DMD: variants seen among roughly 807,000 people sequenced by gnomAD.
DMD encodes mutant dystrophin.
DMD carries 63 observed loss-of-function variants against 330.1 expected under a neutral mutation model. The ratio of observed to expected loss-of-function variants is 0.19; its 90% CI spans 0.16 to 0.24. The LOEUF (loss-of-function observed/expected upper bound fraction) is 0.24, where lower values mean the gene tolerates loss of function less well. Ranked by LOEUF, DMD falls within the 10% of genes least tolerant of loss-of-function variation. DMD has a pLI of 1.00. For missense variants in DMD, 3,344 were observed against 2,684.1 expected (o/e 1.25, Z -5.43); for synonymous variants, 1,223 against 959.8 (o/e 1.27, Z -5.07).
At chrX:32,727,088 T>C (rs1603282356) in intron 7 of DMD, among the ~76,000 whole-genome samples, 2 of 111,100 alleles carry the variant, frequency 1.8e-5, no homozygotes, top group East Asian at 2.8e-4. Context: ...GCTTCTTTAA[T>C]GTGACAAATT....
chrX:31,840,145 T>G (rs1386422385), intron 48 of DMD, among the ~76,000 whole-genome samples: 2 of 111,971 alleles, frequency 1.8e-5, no homozygotes, highest in African/African-American at 6.5e-5. Flanking sequence ...TTGATACATT[T>G]GATCTAACTT....
upstream of DMD, among the ~76,000 whole-genome samples, chrX:33,212,278 C>A (rs1276262202): frequency 8.9e-6 from 1 of 111,829 alleles, no homozygotes; most frequent in Non-Finnish European, 1.9e-5. Flanking sequence ...CTTAAAACAC[C>A]ATTTTTTTAG....
chrX:32,912,926 A>G (rs182774865), intron 2 of DMD, among the ~76,000 whole-genome samples: 267 of 112,490 alleles, frequency 2.4e-3, no homozygotes, highest in African/African-American at 8.4e-3. Context: ...ATGTAATAAG[A>G]TATTTTTAAA....
Position 31,252,495 on chromosome X carries a change from G to A in DMD, c.9286+8460C>T, listed in dbSNP as rs2049479181. Reference sequence around the variant, plus strand: ...CAGTCTGCTCAAGTCCAAATGGAAAGAAGGGAAAAGTTGCCCCATCCACCG... The same window carrying A: ...CAGTCTGCTCAAGTCCAAATGGAAAAAAGGGAAAAGTTGCCCCATCCACCG... On this transcript the variant is annotated intron_variant, in intron 63 of 78. Coordinates refer to ENST00000357033, the MANE Select transcript of DMD (RefSeq NM_004006.3). Among the ~76,000 whole-genome samples, 3 of 111,479 alleles carry A rather than the reference G, an allele frequency of 2.7e-5. No homozygotes were observed. The South Asian group carries it at 1.1e-3, about 42-fold the overall frequency.
At chrX:33,142,258 C>T (rs764713052) in intron 1 of DMD, among the ~76,000 whole-genome samples, 1 of 111,678 alleles carries the variant, frequency 9.0e-6, no homozygotes, top group South Asian at 3.8e-4. Context: ...GCTAATTTTG[C>T]GTTTTTAGTA....
chrX:32,089,726 T>C (rs1255834908), intron 44 of DMD, among the ~76,000 whole-genome samples: 1 of 112,166 alleles, frequency 8.9e-6, no homozygotes, highest in East Asian at 2.8e-4. Context: ...TCTTTGCTAT[T>C]GTGAGTAGTG....
chrX:32,435,243 A>AAT (rs1262483065), intron 29 of DMD, among the ~76,000 whole-genome samples: 1 of 85,335 alleles, frequency 1.2e-5, no homozygotes, highest in Non-Finnish European at 2.4e-5. Context: ...CATATTTTTA[A>AAT]ATATATATTT....
intron 55 of DMD, among the ~76,000 whole-genome samples, chrX:31,547,995 C>G (rs184790687): frequency 1.8e-5 from 2 of 111,879 alleles, no homozygotes; most frequent in Non-Finnish European, 3.8e-5. Flanking sequence ...TTTGCATGGT[C>G]TGAAAGCCTC....
chrX:31,604,317 C>G (rs1371128923), intron 55 of DMD, among the ~76,000 whole-genome samples: 5 of 111,348 alleles, frequency 4.5e-5, no homozygotes, highest in African/African-American at 9.8e-5. Flanking sequence ...TCTCCATGGG[C>G]TTATTTTTTT....
chrX:31,288,109 A>C (rs1267195363), intron 62 of DMD, among the ~76,000 whole-genome samples: 2 of 111,624 alleles, frequency 1.8e-5, no homozygotes, highest in Non-Finnish European at 3.8e-5. Context: ...TGATTGCTTC[A>C]GAGCAGAAGC....
chrX:32,480,804 T>C (rs1187145695), intron 21 of DMD, among the ~76,000 whole-genome samples: 6 of 110,625 alleles, frequency 5.4e-5, no homozygotes, highest in Non-Finnish European at 1.1e-4. Flanking sequence ...TAAATAAACA[T>C]GTCTGCTATG....
intron 1 of DMD, among the ~76,000 whole-genome samples, chrX:33,300,124 G>C (rs1360049717): frequency 8.9e-6 from 1 of 112,253 alleles, no homozygotes; most frequent in Non-Finnish European, 1.9e-5. Flanking sequence ...ACTTCACAAC[G>C]ACTTTAAAGT....
intron 51 of DMD, among the ~76,000 whole-genome samples, chrX:31,729,954 G>C (rs1224398468): frequency 2.7e-5 from 3 of 111,986 alleles, no homozygotes; most frequent in African/African-American, 9.7e-5. Context: ...TGAAAATCTT[G>C]ACTATAGATT....
intron 1 of DMD, among the ~76,000 whole-genome samples, chrX:33,277,826 G>T (rs1184778155): frequency 9.0e-6 from 1 of 111,499 alleles, no homozygotes. Flanking sequence ...CACAAATAGA[G>T]ACCAGATGCA....
chrX:31,672,869 T>C lies in DMD; in HGVS notation c.7872+6506A>G, dbSNP rs758096093. The stretch of plus-strand genomic sequence containing the variant: ...TCATTCTCCAGAGCTTCACTGGAAG[T>C]TTTTCTCCAGACCTATGTTTATCTC... On this transcript the variant is annotated intron_variant, in intron 53 of 78. Transcript: ENST00000357033. Among the ~76,000 whole-genome samples, 363 of 112,096 alleles carry C rather than the reference T, an allele frequency of 3.2e-3. 1 individual carries two copies. The highest frequency in any genetic ancestry group is 5.0e-3 in the Non-Finnish European group (265 of 53,206).
At chrX:32,343,354 T>G in intron 39 of DMD, 68 bp from the exon 40 acceptor site, 1 of 1,002,175 alleles carries the variant, frequency 1.0e-6, no homozygotes, top group Non-Finnish European at 1.4e-6. Flanking sequence ...CTGCAGTTAT[T>G]TATCAAAATA....
rs187086534 is a variant in DMD, at chrX:31,754,671, A to T, written c.7542+19289T>A. ...AAACAATAAGCTTTTTACACAGCAC[A>T]AACTGAGGATTTCATTACACAAAGT... On this transcript the variant is annotated intron_variant, in intron 51 of 78. Coordinates refer to ENST00000357033, the MANE Select transcript of DMD (RefSeq NM_004006.3). Among the ~76,000 whole-genome samples the T allele has an allele frequency of 3.3e-4, 37 of 111,969 alleles. No homozygotes were observed. In the East Asian group the frequency reaches 9.6e-3, roughly 29 times the overall value.
intron 50 of DMD, among the ~76,000 whole-genome samples, chrX:31,781,971 C>T (rs1042029702): frequency 1.8e-5 from 2 of 110,528 alleles, no homozygotes; most frequent in Admixed American, 9.6e-5. Flanking sequence ...ATCATTTATG[C>T]CTATCCAATT....
intron 44 of DMD, among the ~76,000 whole-genome samples, chrX:32,188,196 T>A (rs1466641728): frequency 9.1e-6 from 1 of 109,865 alleles, no homozygotes; most frequent in Non-Finnish European, 1.9e-5. Context: ...CATATTGTTA[T>A]TATTAACCTC....
Sources: allele counts gnomAD v4.1 joint callset (sites outside exome capture counted in the v4.1 genomes callset), GRCh38; gene constraint gnomAD v4.1.1; transcripts MANE v1.5; gene names NCBI Gene and HGNC (gene_info 2026-07-23, HGNC 2026-07-21).